PDZD8: variants seen among roughly 807,000 people sequenced by gnomAD.
The protein encoded by PDZD8 is PDZ domain containing 8, also known as PDZ domain-containing protein 8.
Under a neutral mutation model 85.8 loss-of-function variants are expected in PDZD8, and 14 were observed. The ratio of observed to expected loss-of-function variants is 0.16; its 90% confidence interval spans 0.11 to 0.26. The LOEUF is 0.26. Ranked by LOEUF, PDZD8 falls within the 10% of genes least tolerant of loss-of-function variation. The pLI is 1.00. For missense variants in PDZD8, 1,197 were observed against 1,424.3 expected (o/e 0.84, Z 2.57); for synonymous variants, 592 against 568.6 (o/e 1.04, Z -0.59).
Position 117,363,968 on chromosome 10 carries a change from T to C in PDZD8, c.872+10388A>G, listed in dbSNP as rs1845040839. ...TTATTCTATATCAATCCAAGAAAAG[T>C]ATAATCTACAGTTTATCAATATTGA... On this transcript the variant is annotated intron_variant, in intron 1 of 4. Transcript: ENST00000334464. Among the ~76,000 whole-genome samples, 3 of 152,328 alleles carry C rather than the reference T, an allele frequency of 2.0e-5. No individual in the cohort carries two copies. In the South Asian group the frequency reaches 6.2e-4, roughly 32 times the overall value.
intron 2 of PDZD8, among the ~76,000 whole-genome samples, chr10:117,331,674 T>C (rs17544982): frequency 4.4e-3 from 675 of 152,338 alleles, no homozygotes; most frequent in Non-Finnish European, 7.6e-3. Context: ...TTTTGGAGTA[T>C]GGCATTTTAA....
intron 1 of PDZD8, among the ~76,000 whole-genome samples, chr10:117,365,778 T>G (rs1375052199): frequency 6.6e-6 from 1 of 152,150 alleles, no homozygotes; most frequent in Non-Finnish European, 1.5e-5. Flanking sequence ...ACTTTCCAAT[T>G]AAGTGTGATG....
At chr10:117,369,999 C>T (rs1042031552) in intron 1 of PDZD8, among the ~76,000 whole-genome samples, 1 of 152,062 alleles carries the variant, frequency 6.6e-6, no homozygotes, top group Non-Finnish European at 1.5e-5. Context: ...CCCACCCAGA[C>T]ACTATTACTC....
At chr10:117,323,508 G>A (rs1240626824) in intron 2 of PDZD8, among the ~76,000 whole-genome samples, 1 of 151,950 alleles carries the variant, frequency 6.6e-6, no homozygotes, top group African/African-American at 2.4e-5. Context: ...TATACTTCCT[G>A]GACAAAAGCA....
At chr10:117,311,570 T>C (rs1420932941) in intron 3 of PDZD8, among the ~76,000 whole-genome samples, 1 of 152,090 alleles carries the variant, frequency 6.6e-6, no homozygotes, top group East Asian at 1.9e-4. Flanking sequence ...CATAGAAACA[T>C]AAATGCGAAA....
chr10:117,341,165 A>G, intron 1 of PDZD8, 63 bp from the exon 2 acceptor site: 3 of 1,539,810 alleles, frequency 1.9e-6, no homozygotes, highest in East Asian at 2.3e-5. Context: ...AAAGCATAAC[A>G]AAACTCACCT....
At chr10:117,320,200 A>C (rs1357119350) in intron 2 of PDZD8, among the ~76,000 whole-genome samples, 1 of 152,164 alleles carries the variant, frequency 6.6e-6, no homozygotes, top group Non-Finnish European at 1.5e-5. Context: ...AGGATTCTTA[A>C]ACATAAAACA....
rs1012333075 is a variant in PDZD8, at chr10:117,278,680, C to T, written c.*4588G>A. On this transcript the variant is annotated 3_prime_UTR_variant, in exon 5 of 5. Coordinates refer to ENST00000334464, the MANE Select transcript of PDZD8 (RefSeq NM_173791.5). ...AACTTCGACATCAAGGAGCAAAGAA[C>T]TTTAGAACAGACTCCTCAATCTTGT... The T allele has an allele frequency of 6.6e-6, 1 of 152,324 alleles. No individual in the cohort carries two copies. Among genetic ancestry groups the T allele is most frequent in the Non-Finnish European group, 1.5e-5 (1 of 68,030 alleles). The allele number at this position is 152,324 out of a possible 1,614,324, so 9.4% of individuals were successfully genotyped here.
intron 1 of PDZD8, among the ~76,000 whole-genome samples, chr10:117,349,616 A>G (rs749989150): frequency 6.6e-6 from 1 of 152,140 alleles, no homozygotes; most frequent in Non-Finnish European, 1.5e-5. Flanking sequence ...CAGCCTGGGC[A>G]ACATAGCCAC....
chr10:117,341,975 G>C (rs181439), intron 1 of PDZD8, among the ~76,000 whole-genome samples: 12 of 152,182 alleles, frequency 7.9e-5, no homozygotes, highest in Non-Finnish European at 1.5e-5. Flanking sequence ...TCACAACCCT[G>C]AAGAGGGCAA....
intron 2 of PDZD8, among the ~76,000 whole-genome samples, chr10:117,327,858 T>C (rs1844344541): frequency 6.6e-6 from 1 of 152,218 alleles, no homozygotes; most frequent in African/African-American, 2.4e-5. Context: ...TGTCACAGAA[T>C]TATGCAACAT....
intron 3 of PDZD8, among the ~76,000 whole-genome samples, chr10:117,294,653 C>T (rs923635888): frequency 6.6e-6 from 1 of 152,152 alleles, no homozygotes; most frequent in Non-Finnish European, 1.5e-5. Context: ...TATACAAACA[C>T]AGTGGAATAC....
rs1024635716 is a variant in PDZD8 at position 117,374,244 on chromosome 10, C to T, written c.872+112G>A. On this transcript the variant is annotated intron_variant, in intron 1 of 4. Coordinates refer to ENST00000334464, the MANE Select transcript of PDZD8 (RefSeq NM_173791.5). The surrounding 1 kb of genome is among the most constrained non-coding windows in gnomAD (Gnocchi z 7.8). ...GGGCCCTGTCCAGGGTGGGAAGGCC[C>T]CAGAAGCAGGCGCCAGGACAGAAAT... The T allele has an allele frequency of 1.1e-5, 17 of 1,494,198 alleles. No homozygotes were observed. Among genetic ancestry groups the T allele is most frequent in the Non-Finnish European group, 1.4e-5 (16 of 1,115,750 alleles). 92.6% of individuals were successfully genotyped at this position (1,494,198 alleles called of 1,614,324 possible). A position where few individuals can be genotyped will look rare whatever the true frequency, so the allele number is the denominator to read the frequency against.
intron 2 of PDZD8, among the ~76,000 whole-genome samples, chr10:117,329,967 GGGAAGGAAGGAAGGAA>G (rs1202100897): frequency 5.3e-5 from 3 of 57,116 alleles, no homozygotes; most frequent in African/African-American, 1.8e-4. Flanking sequence ...GAGGGAGGAA[GGGAAGGAAGGAAGGAA>G]GGAAGGAAGG....
chr10:117,365,191 T>C (rs957571034), intron 1 of PDZD8, among the ~76,000 whole-genome samples: 4 of 151,984 alleles, frequency 2.6e-5, no homozygotes, highest in African/African-American at 9.7e-5. Flanking sequence ...TAGAAGGATG[T>C]TTATGGTGCC....
At chr10:117,338,921 C>A (rs1042666182) in intron 2 of PDZD8, among the ~76,000 whole-genome samples, 10 of 152,082 alleles carry the variant, frequency 6.6e-5, no homozygotes, top group African/African-American at 2.4e-4. Flanking sequence ...CAATACCTAA[C>A]CCCACCAGCA....
At chr10:117,315,601 A>AC (rs1340872527) in intron 3 of PDZD8, among the ~76,000 whole-genome samples, 34 of 136,706 alleles carry the variant, frequency 2.5e-4, no homozygotes, top group Middle Eastern at 3.5e-3. Context: ...AAAAAAAAAA[A>AC]AAAAAAAAAA....
chr10:117,371,759 C>T (rs950667278), intron 1 of PDZD8, among the ~76,000 whole-genome samples: 4 of 152,014 alleles, frequency 2.6e-5, no homozygotes, highest in Admixed American at 2.6e-4. Flanking sequence ...GGCAACAAAG[C>T]AAGACCTATC....
Position 117,333,129 on chromosome 10 carries a change from A to AAAAAAAAAC in PDZD8, c.995+7850_995+7851insGTTTTTTTT, listed in dbSNP as rs1182629267. Reference sequence around the variant, plus strand: ...GTGGACTCTGTCTCAAAAAAAAAAAAAAAAAAAAAAAAAAGGGGATATGGA... The same window carrying AAAAAAAAAC: ...GTGGACTCTGTCTCAAAAAAAAAAAAAAAAAAAACAAAAAAAAAAAAAAGGGGATATGGA... On this transcript the variant is annotated intron_variant, in intron 2 of 4. Coordinates refer to ENST00000334464, the MANE Select transcript of PDZD8 (RefSeq NM_173791.5). Among the ~76,000 whole-genome samples, 36 of 148,770 alleles carry AAAAAAAAAC rather than the reference A, an allele frequency of 2.4e-4. 1 individual carries two copies. Among genetic ancestry groups the AAAAAAAAAC allele is most frequent in the African/African-American group, 5.2e-4 (21 of 40,576 alleles).
Sources: allele counts gnomAD v4.1 joint callset (sites outside exome capture counted in the v4.1 genomes callset), GRCh38; gene constraint gnomAD v4.1.1; non-coding constraint Gnocchi (gnomAD v3.1); transcripts MANE v1.5; gene names NCBI Gene and HGNC (gene_info 2026-07-23, HGNC 2026-07-21).